Variants in MRPS28 observed in about 807,000 individuals in gnomAD.
MRPS28 encodes small ribosomal subunit protein bS1m.
Under a neutral mutation model 10.8 loss-of-function variants are expected in MRPS28, and 7 were observed. The ratio of observed to expected loss-of-function variants is 0.65; its 90% CI spans 0.37 to 1.22. The LOEUF (loss-of-function observed/expected upper bound fraction) is 1.22, where lower values mean the gene tolerates loss of function less well. Ranked by LOEUF, MRPS28 falls within the 50% of genes most tolerant of loss-of-function variation. The probability of loss-of-function intolerance (pLI) is 0.02; values close to 1 mark genes in which losing one functional copy is unlikely to be tolerated. For synonymous variants in MRPS28, 121 were observed against 93.3 expected (o/e 1.30, Z -1.71); for missense variants, 265 against 232.9 (o/e 1.14, Z -0.90).
intron 1 of MRPS28, among the ~76,000 whole-genome samples, chr8:80,021,469 G>GTC (rs1373165522): frequency 6.6e-6 from 1 of 152,160 alleles, no homozygotes; most frequent in Admixed American, 6.5e-5. Flanking sequence ...TGGACAGTCA[G>GTC]TCTCTCTCTC....
chr8:79,988,708 C>CA (rs1182891284), intron 2 of MRPS28, among the ~76,000 whole-genome samples: 7 of 152,072 alleles, frequency 4.6e-5, no homozygotes, highest in Non-Finnish European at 7.4e-5. Context: ...CAGACAGCTC[C>CA]AAAATAAGCC....
chr8:79,926,779 G>A (rs61262606), intron 2 of MRPS28, among the ~76,000 whole-genome samples: 9,863 of 152,232 alleles, frequency 0.065, 666 homozygotes, highest in African/African-American at 0.17. Context: ...CCTGAGCTGG[G>A]AGCTATCACA....
chr8:79,986,527 C>T (rs973336714), intron 2 of MRPS28, among the ~76,000 whole-genome samples: 5 of 152,144 alleles, frequency 3.3e-5, no homozygotes, highest in African/African-American at 7.2e-5. Context: ...TAGAAAACCC[C>T]GTTGTCTCAG....
intron 2 of MRPS28, among the ~76,000 whole-genome samples, chr8:79,963,690 C>A (rs2130013559): frequency 6.6e-6 from 1 of 152,238 alleles, no homozygotes; most frequent in East Asian, 1.9e-4. Context: ...AGTTCTCACA[C>A]AGAGCGAAGA....
At chr8:80,021,935 T>G (rs924906844) in intron 1 of MRPS28, among the ~76,000 whole-genome samples, 6 of 152,134 alleles carry the variant, frequency 3.9e-5, no homozygotes, top group Non-Finnish European at 8.8e-5. Context: ...ATTGACACAA[T>G]CCACCAATAT....
chr8:79,933,774 G>T (rs1336972684), intron 2 of MRPS28, among the ~76,000 whole-genome samples: 1 of 152,136 alleles, frequency 6.6e-6, no homozygotes, highest in Non-Finnish European at 1.5e-5. Flanking sequence ...TATAGAATAA[G>T]CTGGAAGTCA....
chr8:79,990,759 G>A (rs1808339054), intron 2 of MRPS28, among the ~76,000 whole-genome samples: 2 of 151,830 alleles, frequency 1.3e-5, no homozygotes, highest in Non-Finnish European at 2.9e-5. Context: ...GGAGGCCGAG[G>A]CGGGCAGATC....
At chr8:80,002,228 T>C (rs1808678863) in intron 2 of MRPS28, among the ~76,000 whole-genome samples, 1 of 152,158 alleles carries the variant, frequency 6.6e-6, no homozygotes, top group African/African-American at 2.4e-5. Context: ...CAAAAACTTC[T>C]TAAACACTGT....
intron 2 of MRPS28, among the ~76,000 whole-genome samples, chr8:79,930,523 G>C (rs1288850965): frequency 6.6e-6 from 1 of 152,168 alleles, no homozygotes; most frequent in Non-Finnish European, 1.5e-5. Flanking sequence ...GAAGTCTTTG[G>C]ACAAGTCTGC....
intron 2 of MRPS28, among the ~76,000 whole-genome samples, chr8:79,927,131 C>CAA (rs1810251549): frequency 6.6e-6 from 1 of 152,100 alleles, no homozygotes. Context: ...TATGACAGGG[C>CAA]AAAATTGTTT....
chr8:79,935,171 C>T (rs1184597785), intron 2 of MRPS28, among the ~76,000 whole-genome samples: 8 of 152,172 alleles, frequency 5.3e-5, no homozygotes, highest in Admixed American at 3.3e-4. Context: ...CATTACGATA[C>T]TTTCCCATCA....
chr8:79,985,930 G>A (rs1038178405), intron 2 of MRPS28, among the ~76,000 whole-genome samples: 9 of 152,186 alleles, frequency 5.9e-5, no homozygotes, highest in African/African-American at 1.9e-4. Context: ...ATTTTATGAG[G>A]CCAGCATCAT....
chr8:79,974,524 G>C (rs970118779), intron 2 of MRPS28, among the ~76,000 whole-genome samples: 7 of 151,432 alleles, frequency 4.6e-5, no homozygotes, highest in African/African-American at 1.7e-4. Context: ...CTGGGCGACA[G>C]AGCGAGACTC....
intron 2 of MRPS28, among the ~76,000 whole-genome samples, chr8:79,973,807 G>T (rs985046714): frequency 1.4e-5 from 2 of 140,116 alleles, no homozygotes; most frequent in African/African-American, 5.4e-5. Context: ...AAGAAAACGA[G>T]TTCTCACAGA....
At chr8:79,927,601 T>C (rs965466727) in intron 2 of MRPS28, among the ~76,000 whole-genome samples, 9 of 152,196 alleles carry the variant, frequency 5.9e-5, no homozygotes, top group African/African-American at 2.2e-4. Context: ...TCAATACCTA[T>C]ATGAAGTAAG....
intron 2 of MRPS28, among the ~76,000 whole-genome samples, chr8:79,979,492 TA>T (rs918220678): frequency 3.5e-4 from 53 of 152,076 alleles, no homozygotes; most frequent in African/African-American, 1.1e-3. Flanking sequence ...GACAAAAAAA[TA>T]AAAAATAAAT....
intron 1 of MRPS28, among the ~76,000 whole-genome samples, chr8:80,005,393 A>G (rs527952718): frequency 3.3e-5 from 5 of 152,304 alleles, no homozygotes; most frequent in East Asian, 1.9e-4. Context: ...ACTAAGCTTC[A>G]TAAGTGAAGG....
At chr8:79,919,912 A>G (rs1249324500) in intron 2 of MRPS28, among the ~76,000 whole-genome samples, 26 of 150,144 alleles carry the variant, frequency 1.7e-4, no homozygotes, top group East Asian at 1.2e-3. Flanking sequence ...CTCGTCATTT[A>G]CGTTAGGTAT....
At chr8:80,029,887 G>A in intron 1 of MRPS28, 149 bp downstream of exon 1, 3 of 1,536,516 alleles carry the variant, frequency 2.0e-6, no homozygotes, top group East Asian at 2.4e-5. Flanking sequence ...AGGGGCCGAG[G>A]GCTGAGCCAC....
Sources: allele counts gnomAD v4.1 joint callset (sites outside exome capture counted in the v4.1 genomes callset), GRCh38; gene constraint gnomAD v4.1.1; transcripts MANE v1.5; gene names NCBI Gene and HGNC (gene_info 2026-07-23, HGNC 2026-07-21).